The following SRGAP2B variants were observed in gnomAD, a reference collection of about 807,000 sequenced individuals.
SRGAP2B encodes SLIT-ROBO Rho GTPase-activating protein 2B.
In SRGAP2B, 9 loss-of-function variants were observed where a neutral mutation model predicts 22.2. The ratio of observed to expected loss-of-function variants is 0.41; its 90% confidence interval spans 0.24 to 0.71. The LOEUF is 0.71. Ranked by LOEUF, SRGAP2B falls within the 30% of genes least tolerant of loss-of-function variation. The probability of loss-of-function intolerance (pLI) is 0.35; values close to 1 mark genes in which losing one functional copy is unlikely to be tolerated. For synonymous variants in SRGAP2B, 36 were observed against 87.4 expected (o/e 0.41, Z 3.28); for missense variants, 114 against 235.8 (o/e 0.48, Z 3.38).
At chr1:145,020,895 G>A (rs1553623947) in intron 2 of SRGAP2B, among the ~76,000 whole-genome samples, 3 of 149,516 alleles carry the variant, frequency 2.0e-5, no homozygotes, top group African/African-American at 2.5e-5. Flanking sequence ...TGACTCCCTG[G>A]TTCAAGCAAT....
chr1:144,972,758 G>C (rs1668619214), intron 3 of SRGAP2B, among the ~76,000 whole-genome samples: 1 of 149,654 alleles, frequency 6.7e-6, no homozygotes, highest in Non-Finnish European at 1.5e-5. Context: ...TCAACGTATA[G>C]GTCACCAACT....
intron 2 of SRGAP2B, among the ~76,000 whole-genome samples, chr1:145,061,714 A>G (rs1553631521): frequency 6.7e-6 from 1 of 148,540 alleles, no homozygotes. Flanking sequence ...CAGCCTCCCG[A>G]GTAGCTGGGA....
intron 3 of SRGAP2B, among the ~76,000 whole-genome samples, chr1:144,985,477 G>A (rs1669643715): frequency 6.6e-6 from 1 of 150,924 alleles, no homozygotes; most frequent in South Asian, 2.1e-4. Flanking sequence ...AGCTATGACT[G>A]AAAGGTAATT....
At chr1:145,009,123 G>T (rs1235667278) in intron 2 of SRGAP2B, among the ~76,000 whole-genome samples, 1 of 142,998 alleles carries the variant, frequency 7.0e-6, no homozygotes, top group East Asian at 2.1e-4. Context: ...CTTGCAGTGA[G>T]CTGAGATGGC....
chr1:144,932,424 A>C (rs1558759363), intron 4 of SRGAP2B, among the ~76,000 whole-genome samples: 2 of 151,156 alleles, frequency 1.3e-5, no homozygotes, highest in Admixed American at 6.6e-5. Context: ...TGGACTCGTC[A>C]GTTCCGCATT....
intron 4 of SRGAP2B, among the ~76,000 whole-genome samples, chr1:144,925,208 T>G (rs1664573174): frequency 6.7e-6 from 1 of 150,246 alleles, no homozygotes; most frequent in Admixed American, 6.6e-5. Flanking sequence ...TTTCACTATT[T>G]TGGCCGGGAT....
At chr1:145,016,934 C>T (rs1255103284) in intron 2 of SRGAP2B, among the ~76,000 whole-genome samples, 2 of 146,730 alleles carry the variant, frequency 1.4e-5, no homozygotes, top group Non-Finnish European at 3.0e-5. Context: ...CCGCAAGCAC[C>T]GCCTCCCGGG....
rs1246281274 is a variant in SRGAP2B at position 144,997,460 on chromosome 1, G to A, written c.68-2260C>T. On this transcript the variant is annotated intron_variant, in intron 2 of 9. Transcript: ENST00000612199. The stretch of plus-strand genomic sequence containing the variant: ...AAACAACAAAAAAAAGAACCAAGGC[G>A]TTTTTAGGGTGGAAAGGCTTTCCAG... Among the ~76,000 whole-genome samples the A allele has an allele frequency of 2.5e-3, 376 of 149,582 alleles. 7 individuals are homozygous for A. The highest frequency in any genetic ancestry group is 3.9e-3 in the Non-Finnish European group (267 of 67,754).
intron 4 of SRGAP2B, among the ~76,000 whole-genome samples, chr1:144,939,269 C>T (rs1470437069): frequency 6.9e-6 from 1 of 145,200 alleles, no homozygotes; most frequent in Non-Finnish European, 1.5e-5. Flanking sequence ...AACTTGGAAT[C>T]AGATAATATG....
intron 4 of SRGAP2B, among the ~76,000 whole-genome samples, chr1:144,925,089 G>A (rs1249383988): frequency 1.3e-5 from 2 of 148,678 alleles, no homozygotes; most frequent in Non-Finnish European, 2.9e-5. Flanking sequence ...TGCAACCTCC[G>A]CCTCCTGGGT....
intron 3 of SRGAP2B, among the ~76,000 whole-genome samples, chr1:144,958,903 A>T (rs1359965636): frequency 6.7e-6 from 1 of 150,122 alleles, no homozygotes; most frequent in Non-Finnish European, 1.5e-5. Flanking sequence ...GAGACCCAGG[A>T]CCCAGTTTCC....
At chr1:145,064,530 TG>T (rs1314696770) in intron 2 of SRGAP2B, among the ~76,000 whole-genome samples, 5 of 143,420 alleles carry the variant, frequency 3.5e-5, no homozygotes, top group Admixed American at 3.4e-4. Context: ...AGGAGAAACC[TG>T]AAGCTCAAGC....
chr1:145,007,802 C>CTTTTTTTTTTT (rs880001624), intron 2 of SRGAP2B, among the ~76,000 whole-genome samples: 16 of 101,174 alleles, frequency 1.6e-4, no homozygotes, highest in East Asian at 2.5e-4. Flanking sequence ...ATTTCTTCTT[C>CTTTTTTTTTTT]TTTTTTTTTT....
At chr1:144,933,408 A>T (rs1665358651) in intron 4 of SRGAP2B, among the ~76,000 whole-genome samples, 1 of 149,054 alleles carries the variant, frequency 6.7e-6, no homozygotes, top group Non-Finnish European at 1.5e-5. Context: ...TCCAGAATAT[A>T]AGAGGGGTGT....
chr1:144,932,597 CT>C (rs2101837876), intron 4 of SRGAP2B, among the ~76,000 whole-genome samples: 1 of 142,256 alleles, frequency 7.0e-6, no homozygotes, highest in Non-Finnish European at 1.5e-5. Flanking sequence ...TTAGTTAACC[CT>C]AAATATTCTG....
At chr1:144,990,827 G>C (rs1670135002) in intron 3 of SRGAP2B, among the ~76,000 whole-genome samples, 2 of 151,412 alleles carry the variant, frequency 1.3e-5, no homozygotes, top group South Asian at 2.1e-4. Flanking sequence ...GAGTCCCCCA[G>C]CAGTGCCGGC....
Position 144,975,158 on chromosome 1 carries a change from C to G in SRGAP2B, c.261-19557G>C, listed in dbSNP as rs1241335385. On this transcript the variant is annotated intron_variant, in intron 3 of 9. Transcript: ENST00000612199. ...CTCACTTCTCCTGAATCTGCGCCATCTTTTTTAGTCAAGAGAAAAGGTTTG... is the reference window on the plus strand; with the variant it reads ...CTCACTTCTCCTGAATCTGCGCCATGTTTTTTAGTCAAGAGAAAAGGTTTG... Among the ~76,000 whole-genome samples, 9 of 149,620 alleles carry G rather than the reference C, an allele frequency of 6.0e-5. 1 individual carries two copies. The highest frequency in any genetic ancestry group is 1.8e-4 in the African/African-American group (7 of 39,266).
intron 4 of SRGAP2B, chr1:144,917,825 CT>C (rs1663971838): frequency 1.1e-5 from 1 of 89,642 alleles, no homozygotes; most frequent in African/African-American, 6.3e-5. Flanking sequence ...AGTGTCTCTC[CT>C]TTCACAGATG....
chr1:144,928,910 C>A (rs1334383290), intron 4 of SRGAP2B, among the ~76,000 whole-genome samples: 9 of 150,120 alleles, frequency 6.0e-5, no homozygotes, highest in Non-Finnish European at 1.2e-4. Context: ...CACCATTTTA[C>A]AATCTCACCA....
Sources: allele counts gnomAD v4.1 joint callset (sites outside exome capture counted in the v4.1 genomes callset), GRCh38; gene constraint gnomAD v4.1.1; transcripts MANE v1.5; gene names NCBI Gene and HGNC (gene_info 2026-07-23, HGNC 2026-07-21).